Variants in NPAS3 observed in about 807,000 individuals in gnomAD.
NPAS3 encodes neuronal PAS domain protein 3, also known as neuronal PAS domain-containing protein 3.
Under a neutral mutation model 73.1 loss-of-function variants are expected in NPAS3, and 14 were observed. The ratio of observed to expected loss-of-function variants is 0.19; its 90% CI spans 0.13 to 0.30. NPAS3 has a LOEUF of 0.30. NPAS3 is among the 10% of genes least tolerant of loss of function. NPAS3 has a pLI of 1.00. For synonymous variants in NPAS3, 620 were observed against 541.5 expected, an observed-to-expected ratio of 1.14 and a Z score of -2.01; for missense variants, 1,096 against 1,250.0, an observed-to-expected ratio of 0.88 and a Z score of 1.86.
At chr14:33,145,548 A>G (rs1375792999) in intron 2 of NPAS3, among the ~76,000 whole-genome samples, 2 of 151,994 alleles carry the variant, frequency 1.3e-5, no homozygotes, top group Non-Finnish European at 2.9e-5. Context: ...CAAATGATAG[A>G]TCTACTTTCT....
chr14:33,475,291 AT>A (rs1355094903), intron 4 of NPAS3, among the ~76,000 whole-genome samples: 1 of 152,074 alleles, frequency 6.6e-6, no homozygotes, highest in Non-Finnish European at 1.5e-5. Context: ...TATATAAAAG[AT>A]TTTCCCCTTT....
intron 2 of NPAS3, among the ~76,000 whole-genome samples, chr14:33,091,575 G>A (rs1488273479): frequency 1.3e-5 from 2 of 152,150 alleles, no homozygotes; most frequent in Non-Finnish European, 2.9e-5. Context: ...GGAGGAGCTG[G>A]TACCATTCCT....
intron 2 of NPAS3, among the ~76,000 whole-genome samples, chr14:33,185,705 T>G (rs972978560): frequency 2.0e-5 from 3 of 152,148 alleles, no homozygotes; most frequent in African/African-American, 7.2e-5. Context: ...GTAAGGAGTT[T>G]AGTGGACCTT....
chr14:32,998,395 G>A (rs2038672059), intron 1 of NPAS3, among the ~76,000 whole-genome samples: 1 of 152,180 alleles, frequency 6.6e-6, no homozygotes, highest in Non-Finnish European at 1.5e-5. Context: ...GGGAGCAAGT[G>A]CTTAATGGGT....
At chr14:33,687,744 A>ATTCT (rs1159015036) in intron 6 of NPAS3, among the ~76,000 whole-genome samples, 2 of 152,192 alleles carry the variant, frequency 1.3e-5, no homozygotes, top group Non-Finnish European at 2.9e-5. Context: ...ACATTCATTC[A>ATTCT]TTCTTTCATT....
Position 33,123,649 on chromosome 14 carries a change from C to A in NPAS3, c.140+67655C>A, listed in dbSNP as rs560734318. On this transcript the variant is annotated intron_variant, in intron 2 of 11. Transcript: ENST00000356141. ...ATGTAATTTCCTGATAATATGTAGG[C>A]CCCAAGAAAAAGAAAAACCAAGTAA... 4.0e-5 allele frequency among the ~76,000 whole-genome samples: 6 copies of A among 151,860 alleles called. No individual in the cohort carries two copies. The South Asian group carries it at 1.2e-3, about 32-fold the overall frequency.
intron 1 of NPAS3, among the ~76,000 whole-genome samples, chr14:33,021,906 A>G (rs867075965): frequency 6.6e-6 from 1 of 152,196 alleles, no homozygotes; most frequent in Non-Finnish European, 1.5e-5. Context: ...TGTAAAGGCT[A>G]TCCCATAAAA....
chr14:33,218,943 G>A (rs970863865), intron 3 of NPAS3, among the ~76,000 whole-genome samples: 4 of 152,024 alleles, frequency 2.6e-5, no homozygotes, highest in African/African-American at 9.7e-5. Context: ...TCAGGTGACA[G>A]TATGTAATAT....
intron 2 of NPAS3, among the ~76,000 whole-genome samples, chr14:33,094,408 T>C (rs1050991062): frequency 4.6e-5 from 7 of 152,158 alleles, no homozygotes; most frequent in Admixed American, 1.3e-4. Context: ...TTTAAAATCT[T>C]TGATCTTCCC....
intron 3 of NPAS3, among the ~76,000 whole-genome samples, chr14:33,363,250 A>G (rs2045688389): frequency 6.6e-6 from 1 of 152,164 alleles, no homozygotes; most frequent in Non-Finnish European, 1.5e-5. Flanking sequence ...TGTATTCCCC[A>G]AAGAAGGGTT....
intron 2 of NPAS3, among the ~76,000 whole-genome samples, chr14:33,194,400 T>C (rs547209492): frequency 1.3e-4 from 20 of 152,258 alleles, no homozygotes; most frequent in Admixed American, 1.2e-3. Flanking sequence ...GAGCGAAATA[T>C]TACTCACTAA....
chr14:33,243,059 T>C (rs904868438), intron 3 of NPAS3, among the ~76,000 whole-genome samples: 7 of 152,150 alleles, frequency 4.6e-5, no homozygotes, highest in African/African-American at 1.7e-4. Context: ...TTAATGTTTA[T>C]CCAGTAACCT....
intron 1 of NPAS3, among the ~76,000 whole-genome samples, chr14:32,994,630 G>GTTTTTTTTTTTTTTTTTTTTTTTT (rs777136450): frequency 1.7e-4 from 21 of 123,612 alleles, no homozygotes; most frequent in South Asian, 2.5e-4. Context: ...TTGTTTGTTT[G>GTTTTTTTTTTTTTTTTTTTTTTTT]TTTTTGTTTT....
At chr14:33,251,373 C>T (rs1332896188) in intron 3 of NPAS3, among the ~76,000 whole-genome samples, 2 of 151,868 alleles carry the variant, frequency 1.3e-5, no homozygotes, top group African/African-American at 2.4e-5. Flanking sequence ...GGTGGGTGTA[C>T]CTCCATATAC....
upstream of NPAS3, chr14:32,935,015 C>T (rs1325850110): frequency 1.5e-6 from 2 of 1,305,294 alleles, no homozygotes; most frequent in African/African-American, 1.5e-5. Flanking sequence ...TGAGTAGTCC[C>T]GCCTGGGCTG....
chr14:33,794,518 A>C (rs77113496), intron 10 of NPAS3, among the ~76,000 whole-genome samples: 3,618 of 152,104 alleles, frequency 0.024, 136 homozygotes, highest in African/African-American at 0.083. Flanking sequence ...AGCATATTAC[A>C]TAGGGTTTGA....
Position 32,965,681 on chromosome 14 carries a change from T to C in NPAS3, c.50+26315T>C, listed in dbSNP as rs144445430. On this transcript the variant is annotated intron_variant, in intron 1 of 11. Coordinates refer to ENST00000356141, the Ensembl canonical transcript of NPAS3. ...AGGATGCCCACTTTCACCACTTCTA[T>C]TTGACATGGTACTGAAATCCTAGCC... is the stretch of plus-strand genomic sequence containing the variant. Among the ~76,000 whole-genome samples the C allele has an allele frequency of 6.4e-4, 97 of 152,290 alleles. 1 individual carries two copies. Among genetic ancestry groups the C allele is most frequent in the African/African-American group, 2.1e-3 (89 of 41,548 alleles).
intron 4 of NPAS3, among the ~76,000 whole-genome samples, chr14:33,442,587 G>A (rs1453934880): frequency 6.6e-6 from 1 of 152,174 alleles, no homozygotes; most frequent in East Asian, 1.9e-4. Flanking sequence ...CATGAGATCT[G>A]ATGCTTTTGT....
chr14:33,478,624 A>G (rs1035170161), intron 4 of NPAS3, among the ~76,000 whole-genome samples: 2 of 152,184 alleles, frequency 1.3e-5, no homozygotes, highest in African/African-American at 4.8e-5. Flanking sequence ...GTTTTGCAGG[A>G]TCACTACCAG....
Sources: gnomAD v4.1 joint callset for allele counts (sites outside exome capture counted in the v4.1 genomes callset) on GRCh38, gnomAD v4.1.1 for gene constraint, MANE v1.5 for transcripts, NCBI Gene and HGNC (gene_info 2026-07-23, HGNC 2026-07-21) for gene names.